Variants in ATL2 observed in about 807,000 individuals in gnomAD.
ATL2 encodes atlastin GTPase 2.
Under a neutral mutation model 73.9 loss-of-function variants are expected in ATL2, and 31 were observed. That is an observed-to-expected ratio of 0.42 (90% CI 0.32 to 0.57). ATL2 has a LOEUF of 0.57. ATL2 is among the 20% of genes least tolerant of loss of function. The probability of loss-of-function intolerance (pLI) is 0.14; values close to 1 mark genes in which losing one functional copy is unlikely to be tolerated. For synonymous variants in ATL2, 291 were observed against 237.5 expected, an observed-to-expected ratio of 1.23 and a Z score of -2.07; for missense variants, 738 against 702.6, an observed-to-expected ratio of 1.05 and a Z score of -0.57.
intron 1 of ATL2, among the ~76,000 whole-genome samples, chr2:38,357,953 G>A (rs550737907): frequency 6.6e-6 from 1 of 152,262 alleles, no homozygotes; most frequent in South Asian, 2.1e-4. Flanking sequence ...ATCAAGGCCA[G>A]GTCTTATTTA....
intron 2 of ATL2, among the ~76,000 whole-genome samples, chr2:38,321,021 G>A (rs1316864876): frequency 1.3e-5 from 2 of 151,868 alleles, no homozygotes; most frequent in East Asian, 1.9e-4. Flanking sequence ...CAGGCGTGGC[G>A]GCACATGCCT....
intron 2 of ATL2, among the ~76,000 whole-genome samples, chr2:38,338,922 G>A (rs1669531890): frequency 6.6e-6 from 1 of 152,082 alleles, no homozygotes; most frequent in African/African-American, 2.4e-5. Context: ...TTACCAGTAT[G>A]CCTCAAAATA....
intron 2 of ATL2, among the ~76,000 whole-genome samples, chr2:38,330,186 T>A (rs114175082): frequency 0.036 from 5,237 of 144,898 alleles, 122 homozygotes; most frequent in African/African-American, 0.064. Flanking sequence ...AGGAAAACTA[T>A]TTGACAAAAT....
At chr2:38,303,752 A>G (rs374519802) in intron 9 of ATL2, among the ~76,000 whole-genome samples, 7 of 152,170 alleles carry the variant, frequency 4.6e-5, no homozygotes, top group African/African-American at 1.7e-4. Flanking sequence ...TTTAAGAACA[A>G]AAGATTATAG....
chr2:38,320,155 T>C (rs976988541), intron 2 of ATL2, among the ~76,000 whole-genome samples: 3 of 152,104 alleles, frequency 2.0e-5, no homozygotes, highest in African/African-American at 7.2e-5. Context: ...CCAAGACTTG[T>C]TTGGAGCCTG....
intron 4 of ATL2, among the ~76,000 whole-genome samples, chr2:38,317,877 T>TC (rs1668110357): frequency 1.3e-5 from 2 of 152,096 alleles, no homozygotes; most frequent in South Asian, 4.2e-4. Context: ...TTTGTAACTA[T>TC]CCAAAGTACA....
chr2:38,317,198 C>G (rs545400542), intron 4 of ATL2, among the ~76,000 whole-genome samples: 2 of 152,186 alleles, frequency 1.3e-5, no homozygotes, highest in East Asian at 3.9e-4. Context: ...TATGATCTAC[C>G]ATTGATAAGA....
chr2:38,299,875 T>C (rs1353875349), intron 10 of ATL2, among the ~76,000 whole-genome samples: 2 of 152,244 alleles, frequency 1.3e-5, no homozygotes, highest in Admixed American at 6.5e-5. Flanking sequence ...CTATATTCAC[T>C]AGAAGTAGCT....
chr2:38,328,158 T>C (rs944568445), intron 2 of ATL2, among the ~76,000 whole-genome samples: 13 of 152,092 alleles, frequency 8.5e-5, no homozygotes, highest in Non-Finnish European at 1.9e-4. Flanking sequence ...AGAACAAAGA[T>C]TAAGAGTTGC....
chr2:38,329,386 C>T (rs1417967728), intron 2 of ATL2, among the ~76,000 whole-genome samples: 1 of 127,172 alleles, frequency 7.9e-6, no homozygotes, highest in Non-Finnish European at 1.6e-5. Context: ...CAAGATCATG[C>T]CACTGCACCC....
In ATL2 at chr2:38,343,400, T is replaced by C. The variant is rs757716798; in HGVS notation, c.231A>G (p.Glu77=). Residue 77 remains glutamate (E), a synonymous_variant, in exon 2 of 13, where the codon GAA becomes GAG. Transcript: ENST00000378954. ...HEDDHNFELD[E]EALEQILLQE... ...GTAGCAATATCTGCTCCAAAGCTTC[T>C]TCATCAAGTTCAAAGTTATGGTCAT... The C allele has an allele frequency of 6.2e-7, 1 of 1,613,176 alleles. No homozygotes were observed. Among genetic ancestry groups the C allele is most frequent in the East Asian group, 2.2e-5 (1 of 44,848 alleles).
At chr2:38,327,773 T>C (rs1668751636) in intron 2 of ATL2, among the ~76,000 whole-genome samples, 1 of 152,042 alleles carries the variant, frequency 6.6e-6, no homozygotes, top group South Asian at 2.1e-4. Flanking sequence ...CCGTCTCTAT[T>C]CAAAATACAA....
chr2:38,345,666 T>G (rs190919652), intron 1 of ATL2, among the ~76,000 whole-genome samples: 5 of 152,330 alleles, frequency 3.3e-5, no homozygotes, highest in Admixed American at 6.5e-5. Flanking sequence ...AAGTGAACTT[T>G]CCAGGAAAAG....
intron 2 of ATL2, among the ~76,000 whole-genome samples, chr2:38,335,088 T>C (rs72902170): frequency 0.1 from 15,261 of 151,046 alleles, 2,572 homozygotes; most frequent in African/African-American, 0.35. Flanking sequence ...ATTAAAAAGA[T>C]TGACAATACA....
At chr2:38,355,247 C>A (rs1048412725) in intron 1 of ATL2, among the ~76,000 whole-genome samples, 1 of 152,114 alleles carries the variant, frequency 6.6e-6, no homozygotes, top group African/African-American at 2.4e-5. Flanking sequence ...CTGTCTCAGC[C>A]TCCCGAGTAG....
At chr2:38,373,557 G>A (rs887000435) in intron 1 of ATL2, among the ~76,000 whole-genome samples, 2 of 152,148 alleles carry the variant, frequency 1.3e-5, no homozygotes, top group Non-Finnish European at 2.9e-5. Context: ...CTTAAAAGTT[G>A]TTTCTAGTAA....
At chr2:38,346,089 C>A (rs1044879752) in intron 1 of ATL2, among the ~76,000 whole-genome samples, 1 of 152,230 alleles carries the variant, frequency 6.6e-6, no homozygotes, top group African/African-American at 2.4e-5. Flanking sequence ...ATCCACCCAT[C>A]TGCTCTGGCA....
chr2:38,317,498 A>G (rs1385629276), intron 4 of ATL2, among the ~76,000 whole-genome samples: 2 of 152,214 alleles, frequency 1.3e-5, no homozygotes, highest in Admixed American at 1.3e-4. Flanking sequence ...ATAAGTGAAA[A>G]AGAGAAGGGA....
chr2:38,343,399 C>T lies in ATL2; in HGVS notation c.232G>A (p.Glu78Lys). ...EDDHNFELDE[E>K]ALEQILLQEH... ...TGTAGCAATATCTGCTCCAAAGCTT[C>T]TTCATCAAGTTCAAAGTTATGGTCA... Residue 78 changes from glutamate (E) to lysine (K), a missense_variant, in exon 2 of 13, where the codon GAA (glutamate) becomes AAA (lysine). By Grantham distance (56) the Glu-to-Lys change is moderately conservative. Coordinates refer to ENST00000378954, the MANE Select transcript of ATL2 (RefSeq NM_001135673.4). 2 of 1,612,810 alleles carry T rather than the reference C, an allele frequency of 1.2e-6. No individual in the cohort carries two copies. The highest frequency in any genetic ancestry group is 2.2e-5 in the South Asian group (2 of 91,002).
Sources: gnomAD v4.1 joint callset for allele counts (sites outside exome capture counted in the v4.1 genomes callset) on GRCh38, gnomAD v4.1.1 for gene constraint, MANE v1.5 for transcripts, NCBI Gene and HGNC (gene_info 2026-07-23, HGNC 2026-07-21) for gene names.